UNC13B: variants seen among roughly 807,000 people sequenced by gnomAD.
UNC13B encodes protein unc-13 homolog B.
Under a neutral mutation model 211.0 loss-of-function variants are expected in UNC13B, and 144 were observed. The observed-to-expected ratio is 0.68, with a 90% CI of 0.60 to 0.78. UNC13B has a LOEUF of 0.78. Ranked by LOEUF, UNC13B falls within the 30% of genes least tolerant of loss-of-function variation. The pLI, the probability that UNC13B is intolerant of heterozygous loss-of-function variation, is 0.00. For missense variants in UNC13B, 1,777 were observed against 2,002.0 expected (o/e 0.89, Z 2.14); for synonymous variants, 709 against 725.8 (o/e 0.98, Z 0.37).
intron 1 of UNC13B, among the ~76,000 whole-genome samples, chr9:35,196,352 T>C (rs2131358728): frequency 1.3e-5 from 2 of 152,336 alleles, no homozygotes; most frequent in South Asian, 4.1e-4. Context: ...AAGTTAGCCA[T>C]TCCCTGTGCC....
chr9:35,226,576 A>C (rs551333374), intron 1 of UNC13B, among the ~76,000 whole-genome samples: 1 of 152,350 alleles, frequency 6.6e-6, no homozygotes, highest in African/African-American at 2.4e-5. Context: ...CTGTGGTCAA[A>C]GGCCCGAGAG....
In UNC13B at chr9:35,225,876, C is replaced by T. The variant is rs565890291; in HGVS notation, c.23-2139C>T. 5.9e-5 allele frequency among the ~76,000 whole-genome samples: 9 copies of T among 152,056 alleles called. No homozygotes were observed. The South Asian group carries it at 1.9e-3, about 32-fold the overall frequency. On this transcript the variant is annotated intron_variant, in intron 1 of 39. Coordinates refer to ENST00000635942, the MANE Select transcript of UNC13B (RefSeq NM_001371189.2). ...GACCAAGTGGGTGGGTCCTTGGATC[C>T]CCGCGGTGACGTGTGAGGAGTTGAC... is the stretch of plus-strand genomic sequence containing the variant.
chr9:35,225,720 G>T (rs1824796653), intron 1 of UNC13B, among the ~76,000 whole-genome samples: 1 of 152,062 alleles, frequency 6.6e-6, no homozygotes, highest in African/African-American at 2.4e-5. Flanking sequence ...ACAAGACTTT[G>T]CTGGGGACTG....
At chr9:35,380,855 G>C (rs1587735443) in intron 18 of UNC13B, among the ~76,000 whole-genome samples, 1 of 152,158 alleles carries the variant, frequency 6.6e-6, no homozygotes, top group African/African-American at 2.4e-5. Context: ...GTTTCAGAAG[G>C]CCCTTTAATC....
At chr9:35,183,618 G>A (rs1333936351) in intron 1 of UNC13B, among the ~76,000 whole-genome samples, 6 of 144,890 alleles carry the variant, frequency 4.1e-5, no homozygotes, top group East Asian at 2.1e-4. Context: ...TCCCAGACGG[G>A]GCGGCCGGGC....
chr9:35,202,096 T>C (rs990175002), intron 1 of UNC13B, among the ~76,000 whole-genome samples: 12 of 152,282 alleles, frequency 7.9e-5, no homozygotes, highest in Admixed American at 3.9e-4. Flanking sequence ...TTGTTATGCA[T>C]CCAGTAGTCA....
intron 6 of UNC13B, among the ~76,000 whole-genome samples, chr9:35,248,110 C>A (rs541692566): frequency 3.5e-4 from 53 of 152,246 alleles, no homozygotes; most frequent in Non-Finnish European, 6.2e-4. Context: ...GGAATTTATC[C>A]TTTTCTTCTA....
At chr9:35,372,440 T>C (rs985154203) in intron 13 of UNC13B, among the ~76,000 whole-genome samples, 5 of 152,330 alleles carry the variant, frequency 3.3e-5, no homozygotes, top group African/African-American at 1.2e-4. Flanking sequence ...GCTTGGCAGA[T>C]ACATGGGCCC....
chr9:35,302,088 G>A lies in UNC13B; in HGVS notation c.2684G>A (p.Ser895Asn). 7.5e-6 allele frequency: 3 copies of A among 398,724 alleles called. No homozygotes were observed. Among genetic ancestry groups the A allele is most frequent in the Non-Finnish European group, 1.3e-5 (3 of 225,830 alleles). The allele number at this position is 398,724 out of a possible 1,614,324, so 24.7% of individuals were successfully genotyped here. Residue 895 changes from serine (S) to asparagine (N), a missense_variant, in exon 9 of 40, where the codon AGC (serine) becomes AAC (asparagine). By Grantham distance (46) the Ser-to-Asn change is conservative. Transcript: ENST00000635942. ...FPLFKFSFTD[S>N]KVTVNDQSLR... ...TTGTTTAAATTTTCTTTCACTGACA[G>A]CAAGGTTACTGTTAATGACCAGAGT...
intron 5 of UNC13B, among the ~76,000 whole-genome samples, chr9:35,242,408 C>T (rs1356559731): frequency 6.6e-6 from 1 of 152,128 alleles, no homozygotes; most frequent in East Asian, 1.9e-4. Flanking sequence ...TTTCACCTTG[C>T]AAAACTAAAA....
intron 1 of UNC13B, among the ~76,000 whole-genome samples, chr9:35,188,968 A>G (rs527268085): frequency 1.3e-5 from 2 of 152,346 alleles, no homozygotes; most frequent in East Asian, 3.9e-4. Flanking sequence ...CAACCTTGCT[A>G]TACTTTTATT....
intron 1 of UNC13B, among the ~76,000 whole-genome samples, chr9:35,163,676 G>C (rs914885743): frequency 1.3e-5 from 2 of 152,174 alleles, no homozygotes; most frequent in African/African-American, 2.4e-5. Flanking sequence ...CCTTATGAAA[G>C]ACTCTTTAGG....
intron 6 of UNC13B, among the ~76,000 whole-genome samples, chr9:35,254,970 T>TA (rs1564096055): frequency 7.4e-5 from 9 of 122,134 alleles, no homozygotes; most frequent in East Asian, 4.1e-4. Flanking sequence ...ATATATTATA[T>TA]TATATATTAA....
intron 13 of UNC13B, among the ~76,000 whole-genome samples, chr9:35,372,094 A>G (rs1292700586): frequency 6.6e-6 from 1 of 152,194 alleles, no homozygotes; most frequent in Non-Finnish European, 1.5e-5. Context: ...ACATAGTGAA[A>G]CACTGTTTCT....
At chr9:35,338,912 G>C (rs1350243828) in intron 11 of UNC13B, among the ~76,000 whole-genome samples, 1 of 152,202 alleles carries the variant, frequency 6.6e-6, no homozygotes, top group East Asian at 1.9e-4. Context: ...AGGGAGAATT[G>C]TGATTGGTGA....
At chr9:35,189,391 A>G (rs942341002) in intron 1 of UNC13B, among the ~76,000 whole-genome samples, 1 of 152,198 alleles carries the variant, frequency 6.6e-6, no homozygotes, top group Non-Finnish European at 1.5e-5. Flanking sequence ...CCCAGGCCTT[A>G]CCTATCTGTA....
chr9:35,377,325 G>C (rs954896240), intron 15 of UNC13B, 143 bp from the exon 16 acceptor site: 17 of 777,134 alleles, frequency 2.2e-5, no homozygotes, highest in African/African-American at 3.5e-5. Flanking sequence ...GCAGGTGCCA[G>C]AGGGCCCTTG....
intron 11 of UNC13B, among the ~76,000 whole-genome samples, chr9:35,334,191 C>T (rs963979895): frequency 1.3e-5 from 2 of 152,146 alleles, no homozygotes. Context: ...GTCTTGAACT[C>T]CTGACCTCAG....
chr9:35,166,490 A>G (rs1821044910), intron 1 of UNC13B, among the ~76,000 whole-genome samples: 1 of 152,064 alleles, frequency 6.6e-6, no homozygotes, highest in Admixed American at 6.5e-5. Context: ...TGCCAATACC[A>G]TTGCTAACTT....
Sources: allele counts gnomAD v4.1 joint callset (sites outside exome capture counted in the v4.1 genomes callset), GRCh38; gene constraint gnomAD v4.1.1; transcripts MANE v1.5; gene names NCBI Gene and HGNC (gene_info 2026-07-23, HGNC 2026-07-21).